Variants in ZSWIM5 observed in about 807,000 individuals in gnomAD.
The protein encoded by ZSWIM5 is zinc finger SWIM-type containing 5.
In ZSWIM5, 55 loss-of-function variants were observed where a neutral mutation model predicts 119.6. That is an observed-to-expected ratio of 0.46 (90% confidence interval 0.37 to 0.58). The LOEUF (loss-of-function observed/expected upper bound fraction) is 0.58. Ranked by LOEUF, ZSWIM5 falls within the 20% of genes least tolerant of loss-of-function variation. ZSWIM5 has a pLI of 0.00. For synonymous variants in ZSWIM5, 537 were observed against 606.9 expected (o/e 0.88, Z 1.69); for missense variants, 1,193 against 1,512.8 (o/e 0.79, Z 3.51).
chr1:45,167,055 C>T (rs1037155179), intron 1 of ZSWIM5, among the ~76,000 whole-genome samples: 2 of 152,090 alleles, frequency 1.3e-5, no homozygotes, highest in African/African-American at 2.4e-5. Context: ...AGGCATCATG[C>T]TACCTGACTT....
chr1:45,160,225 TAGAATGTGTAATGATCA>T (rs1181036394), intron 1 of ZSWIM5, among the ~76,000 whole-genome samples: 1 of 152,218 alleles, frequency 6.6e-6, no homozygotes, highest in Non-Finnish European at 1.5e-5. Flanking sequence ...GTCACATGCA[TAGAATGTGTAATGATCA>T]AGTCAGGGTA....
At position 45,072,926 on chromosome 1, in the gene ZSWIM5, A is replaced by G. The variant is rs1334594711; in HGVS notation, c.953-12679T>C. ...GTCTTTTGTGGTTTCACATAGCAAA[A>G]AACAATTTTAGAATTGTGTTTTCTA... On this transcript the variant is annotated intron_variant, in intron 2 of 13. Coordinates refer to ENST00000359600, the MANE Select transcript of ZSWIM5 (RefSeq NM_020883.2). The surrounding 1 kb of genome is among the most constrained non-coding windows in gnomAD (Gnocchi z 4.1). 6.6e-6 allele frequency among the ~76,000 whole-genome samples: 1 copy of G among 152,002 alleles called. No individual in the cohort carries two copies. Among genetic ancestry groups the G allele is most frequent in the African/African-American group, 2.4e-5 (1 of 41,278 alleles).
chr1:45,162,378 C>G (rs1645869074), intron 1 of ZSWIM5, among the ~76,000 whole-genome samples: 1 of 152,190 alleles, frequency 6.6e-6, no homozygotes, highest in African/African-American at 2.4e-5. Context: ...CGAATAGGAA[C>G]AGCTCCAGTC....
intron 1 of ZSWIM5, among the ~76,000 whole-genome samples, chr1:45,114,162 C>T (rs983111650): frequency 1.3e-5 from 2 of 152,134 alleles, no homozygotes; most frequent in African/African-American, 4.8e-5. Context: ...ATGTCAGCTT[C>T]ATGGAAGAAA....
intron 4 of ZSWIM5, among the ~76,000 whole-genome samples, chr1:45,052,227 T>C (rs1333090436): frequency 3.3e-5 from 5 of 151,762 alleles, no homozygotes; most frequent in Admixed American, 1.3e-4. Context: ...GGTTTCACCA[T>C]GTCGGCTAGG....
chr1:45,140,643 T>TA (rs1297208813), intron 1 of ZSWIM5, among the ~76,000 whole-genome samples: 2 of 152,070 alleles, frequency 1.3e-5, no homozygotes, highest in Non-Finnish European at 2.9e-5. Context: ...TTACATTGGA[T>TA]AAAAAAGCAA....
intron 2 of ZSWIM5, among the ~76,000 whole-genome samples, chr1:45,062,152 TA>T (rs1417446705): frequency 6.6e-6 from 1 of 152,172 alleles, no homozygotes; most frequent in Non-Finnish European, 1.5e-5. Flanking sequence ...AATAGATTAC[TA>T]AAACTTATTC....
intron 1 of ZSWIM5, among the ~76,000 whole-genome samples, chr1:45,131,905 A>G (rs544191506): frequency 6.9e-4 from 105 of 151,578 alleles, no homozygotes; most frequent in African/African-American, 2.4e-3. Context: ...CAATTATACA[A>G]TGTATGGAGA....
At chr1:45,118,312 T>A (rs1326359142) in intron 1 of ZSWIM5, among the ~76,000 whole-genome samples, 2 of 152,350 alleles carry the variant, frequency 1.3e-5, no homozygotes, top group Non-Finnish European at 2.9e-5. Context: ...AGTATTTAAA[T>A]GTCTATCACA....
intron 1 of ZSWIM5, among the ~76,000 whole-genome samples, chr1:45,141,692 G>A (rs577894563): frequency 6.6e-6 from 1 of 152,134 alleles, no homozygotes; most frequent in East Asian, 1.9e-4. Flanking sequence ...GTTTAAACAT[G>A]GAAAATATAT....
intron 1 of ZSWIM5, among the ~76,000 whole-genome samples, chr1:45,128,240 A>G (rs1029061137): frequency 6.6e-6 from 1 of 152,144 alleles, no homozygotes; most frequent in African/African-American, 2.4e-5. Flanking sequence ...TCTTTCTTTG[A>G]CACTGTCTTA....
At position 45,057,663 on chromosome 1, in the gene ZSWIM5, C is replaced by G. The variant is rs567393223; in HGVS notation, c.1252+946G>C. 6.6e-6 allele frequency among the ~76,000 whole-genome samples: 1 copy of G among 152,218 alleles called. No homozygotes were observed. The highest frequency in any genetic ancestry group is 2.1e-4 in the South Asian group (1 of 4,822). ...CAGATTGGGCTTCCAGTGTTAGAGC[C>G]AAAACTTACTAGTGTGTGACCCTGA... On this transcript the variant is annotated intron_variant, in intron 4 of 13. Coordinates refer to ENST00000359600, the MANE Select transcript of ZSWIM5 (RefSeq NM_020883.2). The surrounding 1 kb of genome is among the most constrained non-coding windows in gnomAD (Gnocchi z 4.7).
In ZSWIM5 at chr1:45,018,240, G is replaced by T; in HGVS notation, c.*214C>A. 1 of 621,882 alleles carries T rather than the reference G, an allele frequency of 1.6e-6. No homozygotes were observed. Among genetic ancestry groups the T allele is most frequent in the Non-Finnish European group, 2.8e-6 (1 of 362,974 alleles). The allele number at this position is 621,882 out of a possible 1,614,324, so 38.5% of individuals were successfully genotyped here. On this transcript the variant is annotated 3_prime_UTR_variant, in exon 14 of 14. Transcript: ENST00000359600. The surrounding 1 kb of genome is among the most constrained non-coding windows in gnomAD (Gnocchi z 6.7). The stretch of plus-strand genomic sequence containing the variant: ...GTTTCTGGTCGATCTGCAGGGCCCA[G>T]CTCCTCCATGAACAGTAGGCTGTAG...
intron 1 of ZSWIM5, among the ~76,000 whole-genome samples, chr1:45,179,526 C>A (rs933147455): frequency 6.6e-5 from 10 of 152,072 alleles, no homozygotes; most frequent in Non-Finnish European, 1.3e-4. Context: ...TTCATTCGTA[C>A]GTACTCCAAA....
intron 1 of ZSWIM5, among the ~76,000 whole-genome samples, chr1:45,118,546 G>A (rs1645572335): frequency 6.6e-6 from 1 of 152,034 alleles, no homozygotes; most frequent in African/African-American, 2.4e-5. Context: ...TTTGAGATCA[G>A]CCTGGGCAAC....
chr1:45,031,343 A>AT (rs752455424), intron 11 of ZSWIM5, among the ~76,000 whole-genome samples: 1,589 of 143,720 alleles, frequency 0.011, 14 homozygotes, highest in African/African-American at 0.022. Flanking sequence ...TGCTCACGCA[A>AT]TTTTTTTTTT....
rs748730217 is a variant in ZSWIM5 at position 45,034,424 on chromosome 1, G to A, written c.2337C>T (p.His779=). 31 of 1,613,248 alleles carry A rather than the reference G, an allele frequency of 1.9e-5. No individual in the cohort carries two copies. The highest frequency in any genetic ancestry group is 2.6e-5 in the Non-Finnish European group (31 of 1,179,654). The change falls in exon 11 of 14, where the codon CAC becomes CAT. Residue 779 remains histidine (H), a synonymous_variant. Transcript: ENST00000359600. ...GCACCACAGACACCATATGGTGAGGGTGGGATGTGTCGCCTGCAGAAGCTG... is the reference window on the plus strand; with the variant it reads ...GCACCACAGACACCATATGGTGAGGATGGGATGTGTCGCCTGCAGAAGCTG... ...ENSASAGDTS[H]PHHMVSVVPS... is the part of the protein sequence containing the mutation.
Position 45,039,036 on chromosome 1 carries a change from C to T in ZSWIM5, c.1794G>A (p.Leu598=). The T allele has an allele frequency of 6.2e-7, 1 of 1,614,128 alleles. No homozygotes were observed. The highest frequency in any genetic ancestry group is 8.5e-7 in the Non-Finnish European group (1 of 1,180,008). The change falls in exon 8 of 14, where the codon CTG becomes CTA. Residue 598 remains leucine (L), a synonymous_variant. Coordinates refer to ENST00000359600, the MANE Select transcript of ZSWIM5 (RefSeq NM_020883.2). ...CCAGGGGGTGGCCCACCCAGCCCTCCAGGTTTGTGATGGTTGTGGTTCCTC... is the reference window on the plus strand; with the variant it reads ...CCAGGGGGTGGCCCACCCAGCCCTCTAGGTTTGTGATGGTTGTGGTTCCTC... ...LQRGTTTITN[L]EGWVGHPLDP...
At chr1:45,185,266 C>T (rs1646050104) in intron 1 of ZSWIM5, among the ~76,000 whole-genome samples, 4 of 150,474 alleles carry the variant, frequency 2.7e-5, no homozygotes, top group African/African-American at 9.8e-5. Context: ...GGATTAAAGA[C>T]TTAAATGTTA....
Sources: gnomAD v4.1 joint callset for allele counts (sites outside exome capture counted in the v4.1 genomes callset) on GRCh38, gnomAD v4.1.1 for gene constraint, Gnocchi (gnomAD v3.1) non-coding constraint, MANE v1.5 for transcripts, NCBI Gene and HGNC (gene_info 2026-07-23, HGNC 2026-07-21) for gene names.